The following RFX8 variants were observed in gnomAD, a reference collection of about 807,000 sequenced individuals.
The protein encoded by RFX8 is DNA-binding protein RFX8.
Under a neutral mutation model 54.6 loss-of-function variants are expected in RFX8, and 46 were observed. The ratio of observed to expected loss-of-function variants is 0.84; its 90% CI spans 0.67 to 1.08. The LOEUF (loss-of-function observed/expected upper bound fraction) is 1.08. Among genes scored for constraint, RFX8 ranks in the 50% least tolerant of loss-of-function variants. RFX8 has a pLI of 0.00. For synonymous variants in RFX8, 192 were observed against 209.5 expected (o/e 0.92, Z 0.72); for missense variants, 536 against 562.3 (o/e 0.95, Z 0.47).
chr2:101,455,007 C>CTTTTTCT (rs1374159008), intron 2 of RFX8, among the ~76,000 whole-genome samples: 3 of 128,210 alleles, frequency 2.3e-5, no homozygotes, highest in Admixed American at 2.3e-4. Context: ...CCTAGGTTTT[C>CTTTTTCT]TTTTTCTTTT....
rs191251348 is a variant in RFX8, at chr2:101,422,840, C to G, written c.73-368G>C. Among the ~76,000 whole-genome samples, 189 of 152,308 alleles carry G rather than the reference C, an allele frequency of 1.2e-3. 1 individual carries two copies. The highest frequency in any genetic ancestry group is 4.3e-3 in the African/African-American group (179 of 41,570). ...AACCCTTGTCCATGTAATTGTTCCT[C>G]CTTGAAATAAAATCATCCCTGTTTG... On this transcript the variant is annotated intron_variant, in intron 2 of 11. Transcript: ENST00000428343.
intron 2 of RFX8, among the ~76,000 whole-genome samples, chr2:101,447,345 G>T (rs1333848223): frequency 6.6e-6 from 1 of 152,122 alleles, no homozygotes; most frequent in African/African-American, 2.4e-5. Flanking sequence ...ATATGTCCTT[G>T]TTCCTGCAGC....
At chr2:101,427,621 G>A (rs1057084524) in intron 2 of RFX8, among the ~76,000 whole-genome samples, 1 of 152,166 alleles carries the variant, frequency 6.6e-6, no homozygotes, top group African/African-American at 2.4e-5. Context: ...CACTGACTTT[G>A]TGCTAATTTG....
At chr2:101,441,431 A>G (rs1008737466) in intron 2 of RFX8, among the ~76,000 whole-genome samples, 1 of 152,060 alleles carries the variant, frequency 6.6e-6, no homozygotes, top group African/African-American at 2.4e-5. Flanking sequence ...AGAGGAAGAG[A>G]CCTGAGCCAG....
chr2:101,428,110 TTGA>T (rs1687286750), intron 2 of RFX8, among the ~76,000 whole-genome samples: 1 of 152,048 alleles, frequency 6.6e-6, no homozygotes, highest in African/African-American at 2.4e-5. Context: ...CCTGGCCAAC[TTGA>T]TGAAACCCTG....
chr2:101,406,464 T>C (rs1375301811), intron 9 of RFX8, among the ~76,000 whole-genome samples: 2 of 119,902 alleles, frequency 1.7e-5, no homozygotes, highest in Non-Finnish European at 3.2e-5. Context: ...CCTGAGTAGC[T>C]GGGACTACAG....
chr2:101,454,908 C>A (rs1393698464), intron 2 of RFX8, among the ~76,000 whole-genome samples: 1 of 152,092 alleles, frequency 6.6e-6, no homozygotes, highest in Admixed American at 6.6e-5. Context: ...TTAATTAGAT[C>A]CCATTTGTCA....
intron 2 of RFX8, among the ~76,000 whole-genome samples, chr2:101,430,355 G>T (rs1457915631): frequency 6.6e-6 from 1 of 152,178 alleles, no homozygotes; most frequent in Non-Finnish European, 1.5e-5. Context: ...TGAAGCCCTA[G>T]CCCTCTATGT....
intron 2 of RFX8, among the ~76,000 whole-genome samples, chr2:101,438,878 C>T (rs1485171563): frequency 6.6e-6 from 1 of 152,162 alleles, no homozygotes; most frequent in Non-Finnish European, 1.5e-5. Flanking sequence ...ATGGCGTAAT[C>T]TTGGCTCACT....
At chr2:101,459,904 C>A (rs1471297116) in intron 2 of RFX8, among the ~76,000 whole-genome samples, 1 of 152,140 alleles carries the variant, frequency 6.6e-6, no homozygotes, top group African/African-American at 2.4e-5. Flanking sequence ...GTTCGAGCTT[C>A]CCAGCTACTT....
intron 2 of RFX8, among the ~76,000 whole-genome samples, chr2:101,453,511 G>A (rs1688811295): frequency 6.6e-6 from 1 of 152,060 alleles, no homozygotes; most frequent in African/African-American, 2.4e-5. Flanking sequence ...GAACCCAGGA[G>A]GCAGAGGTTG....
At chr2:101,441,894 C>T (rs1423213845) in intron 2 of RFX8, among the ~76,000 whole-genome samples, 1 of 152,144 alleles carries the variant, frequency 6.6e-6, no homozygotes, top group East Asian at 1.9e-4. Flanking sequence ...AGATAATTTA[C>T]ATTTAAGGGA....
At chr2:101,404,786 G>A (rs1685636261) in intron 10 of RFX8, among the ~76,000 whole-genome samples, 1 of 152,156 alleles carries the variant, frequency 6.6e-6, no homozygotes, top group South Asian at 2.1e-4. Flanking sequence ...CTCTGAAAGA[G>A]CAGGAGCATA....
At chr2:101,467,076 C>T (rs1689613699) in intron 1 of RFX8, among the ~76,000 whole-genome samples, 176 bp from the exon 2 acceptor site, 1 of 152,184 alleles carries the variant, frequency 6.6e-6, no homozygotes, top group South Asian at 2.1e-4. Flanking sequence ...CCCGTTTGTC[C>T]TTAGGCCAGT....
At chr2:101,448,711 G>A (rs541397813) in intron 2 of RFX8, among the ~76,000 whole-genome samples, 2 of 152,214 alleles carry the variant, frequency 1.3e-5, no homozygotes, top group African/African-American at 4.8e-5. Flanking sequence ...TACCACAGCA[G>A]CTGCCTCATA....
At chr2:101,397,797 T>C (rs1685210721) in intron 11 of RFX8, 73 bp from the exon 12 acceptor site, 1 of 1,290,444 alleles carries the variant, frequency 7.7e-7, no homozygotes, top group Admixed American at 2.8e-5. Context: ...GGAACTACCA[T>C]TTGAATTCTT....
intron 4 of RFX8, among the ~76,000 whole-genome samples, chr2:101,421,035 C>T (rs1392266708): frequency 6.6e-6 from 1 of 152,174 alleles, no homozygotes; most frequent in East Asian, 1.9e-4. Flanking sequence ...AACATTGCAT[C>T]AATAGGACAG....
chr2:101,460,882 G>A (rs1238859491), intron 2 of RFX8, among the ~76,000 whole-genome samples: 1 of 151,748 alleles, frequency 6.6e-6, no homozygotes, highest in Non-Finnish European at 1.5e-5. Context: ...CAAGACAAAA[G>A]AGCAGGGCAA....
At chr2:101,456,097 T>G (rs967114615) in intron 2 of RFX8, among the ~76,000 whole-genome samples, 6 of 152,238 alleles carry the variant, frequency 3.9e-5, no homozygotes, top group African/African-American at 1.4e-4. Flanking sequence ...GCTTATCAGC[T>G]TAAGGAGATT....
Sources: allele counts gnomAD v4.1 joint callset (sites outside exome capture counted in the v4.1 genomes callset), GRCh38; gene constraint gnomAD v4.1.1; transcripts MANE v1.5; gene names NCBI Gene and HGNC (gene_info 2026-07-23, HGNC 2026-07-21).